MAGI2: variants seen among roughly 807,000 people sequenced by gnomAD.
MAGI2 encodes membrane-associated guanylate kinase, WW and PDZ domain-containing protein 2.
Under a neutral mutation model 133.3 loss-of-function variants are expected in MAGI2, and 35 were observed. The ratio of observed to expected loss-of-function variants is 0.26; its 90% CI spans 0.20 to 0.35. The LOEUF (loss-of-function observed/expected upper bound fraction) is 0.35, where lower values mean the gene tolerates loss of function less well. Ranked by LOEUF, MAGI2 falls within the 10% of genes least tolerant of loss-of-function variation. MAGI2 has a pLI of 1.00. For missense variants in MAGI2, 1,636 were observed against 1,863.4 expected, an observed-to-expected ratio of 0.88 and a Z score of 2.25; for synonymous variants, 729 against 710.6, an observed-to-expected ratio of 1.03 and a Z score of -0.41.
chr7:79,341,140 T>A lies in MAGI2; in HGVS notation c.301+111880A>T, dbSNP rs79352376. On this transcript the variant is annotated intron_variant, in intron 1 of 21. Coordinates refer to ENST00000354212, the MANE Select transcript of MAGI2 (RefSeq NM_012301.4). The stretch of plus-strand genomic sequence containing the variant: ...CACATAGCACTTATGTTGTAAGTAT[T>A]GGGTCAAGAAATGCCTGAAATACAT... Among the ~76,000 whole-genome samples the A allele has an allele frequency of 6.1e-3, 925 of 152,254 alleles. 11 individuals carry two copies. The highest frequency in any genetic ancestry group is 0.021 in the African/African-American group (890 of 41,560).
intron 2 of MAGI2, among the ~76,000 whole-genome samples, chr7:78,630,564 G>A (rs1193728516): frequency 6.6e-6 from 1 of 151,520 alleles, no homozygotes; most frequent in Non-Finnish European, 1.5e-5. Flanking sequence ...CTATAGGTGT[G>A]CGCCACCACA....
chr7:78,813,941 C>T (rs1789325862), intron 2 of MAGI2, among the ~76,000 whole-genome samples: 1 of 152,108 alleles, frequency 6.6e-6, no homozygotes, highest in African/African-American at 2.4e-5. Context: ...TGTTTCCTTC[C>T]TAAGGCTTGA....
At position 78,256,169 on chromosome 7, in the gene MAGI2, G is replaced by A. The variant is rs1486020735; in HGVS notation, c.1821C>T (p.Thr607=). Residue 607 remains threonine (T), a synonymous_variant, in exon 10 of 22, where the codon ACC becomes ACT. Coordinates refer to ENST00000354212, the MANE Select transcript of MAGI2 (RefSeq NM_012301.4). ...GATQAELMTL[T]IVKGAQGFGF... ...CGAAGCCCTGGGCACCTTTCACAAT[G>A]GTTAAGGTCATAAGTTCAGCTTGGG... The A allele has an allele frequency of 6.2e-7, 1 of 1,613,836 alleles. No individual in the cohort carries two copies. Among genetic ancestry groups the A allele is most frequent in the African/African-American group, 1.3e-5 (1 of 74,908 alleles).
chr7:78,172,494 G>T (rs923064366), intron 14 of MAGI2, among the ~76,000 whole-genome samples: 8 of 152,282 alleles, frequency 5.3e-5, no homozygotes, highest in South Asian at 2.1e-4. Context: ...CTCACAGCTG[G>T]AAATCCCATT....
Position 78,497,766 on chromosome 7 carries a change from T to TCTGTCTGTCTATCTATCTA in MAGI2, c.965+3810_965+3811insTAGATAGATAGACAGACAG, listed in dbSNP as rs1385517709. Among the ~76,000 whole-genome samples the TCTGTCTGTCTATCTATCTA allele has an allele frequency of 8.5e-3, 1,155 of 135,414 alleles. 18 individuals are homozygous for TCTGTCTGTCTATCTATCTA. Among genetic ancestry groups the TCTGTCTGTCTATCTATCTA allele is most frequent in the African/African-American group, 0.026 (984 of 37,526 alleles). The allele number at this position is 135,414 out of a possible 152,430, so 88.8% of individuals were successfully genotyped here. Reference sequence around the variant, plus strand: ...TATCTATCTATCTATCTATCTATCTTTCTATCTTATACACAGAACCAAAGA... The same window carrying TCTGTCTGTCTATCTATCTA: ...TATCTATCTATCTATCTATCTATCTTCTGTCTGTCTATCTATCTATCTATCTTATACACAGAACCAAAGA... On this transcript the variant is annotated intron_variant, in intron 5 of 21. Transcript: ENST00000354212.
chr7:78,994,063 C>G (rs1298382974), intron 2 of MAGI2, among the ~76,000 whole-genome samples: 1 of 151,930 alleles, frequency 6.6e-6, no homozygotes, highest in African/African-American at 2.4e-5. Context: ...GTGAAGGGAT[C>G]CAGCTTGTAA....
intron 3 of MAGI2, among the ~76,000 whole-genome samples, chr7:78,584,638 G>C (rs1420278274): frequency 6.6e-6 from 1 of 152,084 alleles, no homozygotes; most frequent in African/African-American, 2.4e-5. Flanking sequence ...TAATTCAGGG[G>C]CAGTAGCAGG....
At chr7:79,347,463 T>A (rs1238972858) in intron 1 of MAGI2, among the ~76,000 whole-genome samples, 4 of 40,526 alleles carry the variant, frequency 9.9e-5, no homozygotes, top group Admixed American at 2.6e-4. Context: ...CTTAAGCAAT[T>A]TTTTTTTTGT....
chr7:79,150,979 C>A (rs1183409739), intron 1 of MAGI2, among the ~76,000 whole-genome samples: 1 of 151,940 alleles, frequency 6.6e-6, no homozygotes, highest in Non-Finnish European at 1.5e-5. Context: ...ACTGGGCTCA[C>A]AGCGTTTTTG....
chr7:79,068,283 C>A lies in MAGI2; in HGVS notation c.302-61077G>T, dbSNP rs563848411. Among the ~76,000 whole-genome samples, 13 of 152,240 alleles carry A rather than the reference C, an allele frequency of 8.5e-5. No homozygotes were observed. In the South Asian group the frequency reaches 1.7e-3, roughly 19 times the overall value. On this transcript the variant is annotated intron_variant, in intron 1 of 21. Transcript: ENST00000354212. ...ATTAAATATTGCCTTAATTTCAGAA[C>A]TTGTTATTGGTCTATTCAGGGATTC...
chr7:78,814,946 G>A lies in MAGI2; in HGVS notation c.419-187707C>T, dbSNP rs192285337. Among the ~76,000 whole-genome samples, 125 of 152,156 alleles carry A rather than the reference G, an allele frequency of 8.2e-4. 1 individual carries two copies. Among genetic ancestry groups the A allele is most frequent in the Admixed American group, 6.1e-3 (93 of 15,262 alleles). Reference sequence around the variant, plus strand: ...TCTCACTTTGTTGCACAGGCTGGTCGTGAAGTCCTGGCTTCAAGCAATCTT... The same window carrying A: ...TCTCACTTTGTTGCACAGGCTGGTCATGAAGTCCTGGCTTCAAGCAATCTT... On this transcript the variant is annotated intron_variant, in intron 2 of 21. Transcript: ENST00000354212.
intron 2 of MAGI2, among the ~76,000 whole-genome samples, chr7:78,690,885 C>T (rs1171815626): frequency 1.3e-5 from 2 of 152,144 alleles, no homozygotes; most frequent in African/African-American, 2.4e-5. Context: ...AATTCCTTCC[C>T]GATCTTAAAT....
At chr7:78,276,352 A>T (rs956872555) in intron 9 of MAGI2, among the ~76,000 whole-genome samples, 3 of 152,150 alleles carry the variant, frequency 2.0e-5, no homozygotes, top group Admixed American at 1.3e-4. Flanking sequence ...TGTGGGTTTG[A>T]CTGCAGGTTC....
intron 1 of MAGI2, among the ~76,000 whole-genome samples, chr7:79,085,605 A>G (rs921389342): frequency 2.6e-5 from 4 of 151,492 alleles, no homozygotes; most frequent in African/African-American, 7.3e-5. Flanking sequence ...TAATGCACCA[A>G]CTCTAGAAGT....
chr7:78,345,938 C>T lies in MAGI2; in HGVS notation c.1209G>A (p.Gln403=), dbSNP rs1175429993. ...PHTELGTKPL[Q]APGFREKPLF... ...GTATCATACCTCGGAAACCTGGGGC[C>T]TGCAGGGGCTTTGTTCCAAGTTCTG... Residue 403 remains glutamine, a synonymous_variant, in exon 8 of 22, where the codon CAG becomes CAA. Transcript: ENST00000354212. 2 of 1,614,154 alleles carry T rather than the reference C, an allele frequency of 1.2e-6. No homozygotes were observed. Among genetic ancestry groups the T allele is most frequent in the South Asian group, 1.1e-5 (1 of 91,076 alleles).
chr7:79,357,965 T>A (rs1842136176), intron 1 of MAGI2, among the ~76,000 whole-genome samples: 1 of 152,298 alleles, frequency 6.6e-6, no homozygotes, highest in African/African-American at 2.4e-5. Flanking sequence ...TTTATCTATT[T>A]CAAATTGAGT....
chr7:78,604,682 C>T (rs554518139), intron 3 of MAGI2, among the ~76,000 whole-genome samples: 4 of 152,104 alleles, frequency 2.6e-5, no homozygotes, highest in Admixed American at 6.5e-5. Context: ...ATGTTAAGTG[C>T]TAAGGAGAAA....
chr7:78,973,471 C>G (rs946316859), intron 2 of MAGI2, among the ~76,000 whole-genome samples: 2 of 151,690 alleles, frequency 1.3e-5, no homozygotes, highest in African/African-American at 4.8e-5. Flanking sequence ...GTGCAAGGAA[C>G]CTGACTCTGT....
chr7:78,583,053 T>C (rs976931169), intron 3 of MAGI2, among the ~76,000 whole-genome samples: 6 of 152,184 alleles, frequency 3.9e-5, no homozygotes, highest in Non-Finnish European at 7.4e-5. Flanking sequence ...TAATGTCAGA[T>C]ACCACTCAAG....
Sources: gnomAD v4.1 joint callset for allele counts (sites outside exome capture counted in the v4.1 genomes callset) on GRCh38, gnomAD v4.1.1 for gene constraint, MANE v1.5 for transcripts, NCBI Gene and HGNC (gene_info 2026-07-23, HGNC 2026-07-21) for gene names.